Variants in LRRC28 observed in about 807,000 individuals in gnomAD.
LRRC28 encodes leucine rich repeat containing 28, also known as leucine-rich repeat-containing protein 28.
Under a neutral mutation model 45.7 loss-of-function variants are expected in LRRC28, and 39 were observed. The observed-to-expected ratio is 0.85, with a 90% confidence interval of 0.66 to 1.12. LRRC28 has a LOEUF of 1.12. Ranked by LOEUF, LRRC28 falls within the 50% of genes most tolerant of loss-of-function variation. LRRC28 has a pLI of 0.00. For missense variants in LRRC28, 435 were observed against 438.5 expected, an observed-to-expected ratio of 0.99 and a Z score of 0.07; for synonymous variants, 206 against 178.8, an observed-to-expected ratio of 1.15 and a Z score of -1.22.
At chr15:99,275,317 G>A (rs2081588837) in intron 2 of LRRC28, among the ~76,000 whole-genome samples, 1 of 152,130 alleles carries the variant, frequency 6.6e-6, no homozygotes, top group South Asian at 2.1e-4. Context: ...CTGGGTAAAG[G>A]ACCTAGGTTT....
At chr15:99,261,928 A>G (rs2081209322) in intron 2 of LRRC28, among the ~76,000 whole-genome samples, 1 of 152,102 alleles carries the variant, frequency 6.6e-6, no homozygotes, top group Non-Finnish European at 1.5e-5. Flanking sequence ...AAGTGCTAGG[A>G]TTACAGGCGT....
chr15:99,313,380 A>G (rs1331944420), intron 5 of LRRC28, among the ~76,000 whole-genome samples: 4 of 152,084 alleles, frequency 2.6e-5, no homozygotes, highest in African/African-American at 7.2e-5. Context: ...GGCATCTGAG[A>G]ACAAGTAAAG....
chr15:99,343,854 A>G (rs998079556), intron 6 of LRRC28, among the ~76,000 whole-genome samples: 6 of 152,134 alleles, frequency 3.9e-5, no homozygotes, highest in African/African-American at 1.4e-4. Flanking sequence ...CATGAAGTAC[A>G]CGTTCGTATT....
chr15:99,253,609 C>G (rs2080930433), intron 1 of LRRC28, among the ~76,000 whole-genome samples: 1 of 152,122 alleles, frequency 6.6e-6, no homozygotes, highest in African/African-American at 2.4e-5. Flanking sequence ...ACCCTCAAGG[C>G]CTAGTATGAG....
intron 5 of LRRC28, among the ~76,000 whole-genome samples, chr15:99,331,529 C>G (rs1204977842): frequency 1.3e-5 from 2 of 152,180 alleles, no homozygotes; most frequent in African/African-American, 4.8e-5. Flanking sequence ...CCTAGGATCT[C>G]TTTCCATATC....
chr15:99,284,243 G>A (rs191459201), intron 3 of LRRC28, among the ~76,000 whole-genome samples: 2 of 152,224 alleles, frequency 1.3e-5, no homozygotes, highest in East Asian at 1.9e-4. Context: ...GACCCCTGGT[G>A]ATTCTAATGT....
intron 3 of LRRC28, among the ~76,000 whole-genome samples, chr15:99,277,359 A>G (rs978230621): frequency 6.6e-6 from 1 of 152,116 alleles, no homozygotes; most frequent in African/African-American, 2.4e-5. Context: ...GAAAACATAG[A>G]AAGAACACCC....
At chr15:99,307,844 G>A (rs1270677056) in intron 5 of LRRC28, among the ~76,000 whole-genome samples, 2 of 152,232 alleles carry the variant, frequency 1.3e-5, no homozygotes, top group Non-Finnish European at 2.9e-5. Flanking sequence ...TTAATTTTGT[G>A]TGACCTTGGT....
chr15:99,274,220 A>G (rs2081557843), intron 2 of LRRC28, among the ~76,000 whole-genome samples: 1 of 152,250 alleles, frequency 6.6e-6, no homozygotes, highest in Non-Finnish European at 1.5e-5. Flanking sequence ...ATTCAATGAT[A>G]CTTGGTTATC....
chr15:99,379,183 G>A (rs562298823), intron 9 of LRRC28, among the ~76,000 whole-genome samples: 23 of 152,144 alleles, frequency 1.5e-4, no homozygotes, highest in African/African-American at 5.5e-4. Context: ...TTTTTTGGTT[G>A]GTAGGCTATT....
intron 5 of LRRC28, among the ~76,000 whole-genome samples, chr15:99,301,631 C>T (rs1263761540): frequency 6.6e-6 from 1 of 152,110 alleles, no homozygotes; most frequent in African/African-American, 2.4e-5. Context: ...TTCATTCTAC[C>T]ATTAAAACTC....
chr15:99,363,291 G>A (rs934864556), intron 9 of LRRC28, 26 bp downstream of exon 9: 2 of 1,610,822 alleles, frequency 1.2e-6, no homozygotes, highest in Non-Finnish European at 1.7e-6. Context: ...TGGGCACCAG[G>A]GTTTACACCC....
chr15:99,256,790 CTA>C (rs1183695469), intron 2 of LRRC28, among the ~76,000 whole-genome samples: 1 of 152,168 alleles, frequency 6.6e-6, no homozygotes, highest in African/African-American at 2.4e-5. Context: ...ATAAGATAAA[CTA>C]AAAGTTTTTC....
At chr15:99,269,367 A>AT (rs1323952665) in intron 2 of LRRC28, among the ~76,000 whole-genome samples, 1 of 152,126 alleles carries the variant, frequency 6.6e-6, no homozygotes, top group African/African-American at 2.4e-5. Flanking sequence ...AGTAGTGAAT[A>AT]TGAAGGTATG....
intron 7 of LRRC28, 131 bp downstream of exon 7, chr15:99,352,602 G>A: frequency 3.1e-6 from 2 of 647,714 alleles, no homozygotes; most frequent in African/African-American, 1.8e-5. Flanking sequence ...TGGGCAGGCA[G>A]TTTGGAATAT....
chr15:99,259,817 C>A, intron 2 of LRRC28: 2 of 892,354 alleles, frequency 2.2e-6, no homozygotes, highest in Non-Finnish European at 3.8e-6. Context: ...TTACCAGACA[C>A]TAAAGCATAT....
At chr15:99,371,271 G>T (rs1957477546) in intron 9 of LRRC28, among the ~76,000 whole-genome samples, 1 of 152,158 alleles carries the variant, frequency 6.6e-6, no homozygotes, top group Non-Finnish European at 1.5e-5. Context: ...GTAGGTGAGG[G>T]CTCCATGGGC....
intron 8 of LRRC28, among the ~76,000 whole-genome samples, chr15:99,362,363 A>C (rs565434185): frequency 6.6e-6 from 1 of 152,340 alleles, no homozygotes; most frequent in East Asian, 1.9e-4. Context: ...AGGTAAAAAG[A>C]TGATTTGTAT....
chr15:99,377,313 T>C (rs1198320694), intron 9 of LRRC28, among the ~76,000 whole-genome samples: 2 of 152,044 alleles, frequency 1.3e-5, no homozygotes, highest in Non-Finnish European at 2.9e-5. Flanking sequence ...TGAGCATTTT[T>C]TCATGTGTTT....
Sources: gnomAD v4.1 joint callset for allele counts (sites outside exome capture counted in the v4.1 genomes callset) on GRCh38, gnomAD v4.1.1 for gene constraint, MANE v1.5 for transcripts, NCBI Gene and HGNC (gene_info 2026-07-23, HGNC 2026-07-21) for gene names.